MACROD2: variants seen among roughly 807,000 people sequenced by gnomAD.
The protein encoded by MACROD2 is ADP-ribose glycohydrolase MACROD2.
MACROD2 carries 36 observed loss-of-function variants against 70.4 expected under a neutral mutation model. The observed-to-expected ratio is 0.51, with a 90% CI of 0.39 to 0.68. MACROD2 has a LOEUF of 0.68. MACROD2 is among the 30% of genes least tolerant of loss of function. The pLI is 0.00. For synonymous variants in MACROD2, 172 were observed against 178.8 expected, an observed-to-expected ratio of 0.96 and a Z score of 0.30; for missense variants, 496 against 538.4, an observed-to-expected ratio of 0.92 and a Z score of 0.78.
intron 2 of MACROD2, among the ~76,000 whole-genome samples, chr20:14,064,228 T>G (rs2053727281): frequency 6.6e-6 from 1 of 152,158 alleles, no homozygotes; most frequent in Non-Finnish European, 1.5e-5. Flanking sequence ...GCCCTTCCTA[T>G]AAAGGTTTTT....
chr20:14,445,669 G>A (rs1359434437), intron 3 of MACROD2, among the ~76,000 whole-genome samples: 1 of 152,056 alleles, frequency 6.6e-6, no homozygotes, highest in Admixed American at 6.6e-5. Flanking sequence ...TGGAAAAATG[G>A]CATTTTCCTG....
chr20:15,057,375 C>CA (rs1168296964), intron 5 of MACROD2, among the ~76,000 whole-genome samples: 8 of 152,026 alleles, frequency 5.3e-5, no homozygotes, highest in Non-Finnish European at 1.0e-4. Flanking sequence ...TTCTAAAGCC[C>CA]ATCACTAGTT....
At chr20:16,019,606 G>A (rs531605496) in intron 15 of MACROD2, among the ~76,000 whole-genome samples, 19 of 152,276 alleles carry the variant, frequency 1.2e-4, no homozygotes, top group Non-Finnish European at 2.1e-4. Flanking sequence ...TCCTTCTTGT[G>A]CATCTTGTAA....
chr20:15,463,309 A>C (rs1735238882), intron 7 of MACROD2, among the ~76,000 whole-genome samples: 1 of 152,228 alleles, frequency 6.6e-6, no homozygotes, highest in African/African-American at 2.4e-5. Context: ...GATGTTTGCC[A>C]GAGGAGGAGG....
chr20:15,904,768 C>T (rs959447769), intron 10 of MACROD2, among the ~76,000 whole-genome samples: 83 of 151,700 alleles, frequency 5.5e-4, no homozygotes, highest in African/African-American at 1.9e-3. Flanking sequence ...GTAGTCCCAG[C>T]TACTCGGGAG....
intron 5 of MACROD2, among the ~76,000 whole-genome samples, chr20:14,742,446 G>T (rs2071744188): frequency 1.3e-5 from 1 of 79,616 alleles, no homozygotes; most frequent in Admixed American, 1.3e-4. Context: ...GTCTGGAAAT[G>T]CAAACAGTCA....
At chr20:14,226,312 A>G (rs2081732875) in intron 3 of MACROD2, among the ~76,000 whole-genome samples, 1 of 152,086 alleles carries the variant, frequency 6.6e-6, no homozygotes, top group Non-Finnish European at 1.5e-5. Flanking sequence ...AACTGTTTAT[A>G]AGGATTGAAT....
chr20:14,981,040 G>A (rs1032004928), intron 5 of MACROD2, among the ~76,000 whole-genome samples: 1 of 151,662 alleles, frequency 6.6e-6, no homozygotes, highest in Non-Finnish European at 1.5e-5. Context: ...GTGTGTGTGT[G>A]TGTGTGTGTG....
intron 8 of MACROD2, among the ~76,000 whole-genome samples, chr20:15,505,125 A>T (rs1440035170): frequency 6.6e-6 from 1 of 152,162 alleles, no homozygotes; most frequent in Non-Finnish European, 1.5e-5. Flanking sequence ...TCCACAGAAA[A>T]GTAGAACAGG....
At chr20:15,886,675 G>A (rs573375250) in intron 10 of MACROD2, among the ~76,000 whole-genome samples, 1 of 152,156 alleles carries the variant, frequency 6.6e-6, no homozygotes, top group South Asian at 2.1e-4. Context: ...TATGGCCTAA[G>A]GTAGCCATTC....
At chr20:14,371,879 A>G (rs2083327415) in intron 3 of MACROD2, among the ~76,000 whole-genome samples, 1 of 151,616 alleles carries the variant, frequency 6.6e-6, no homozygotes, top group South Asian at 2.1e-4. Flanking sequence ...ATTTTAGCTC[A>G]GGCATCAATT....
At chr20:14,381,943 G>A (rs1016431526) in intron 3 of MACROD2, among the ~76,000 whole-genome samples, 44 of 152,068 alleles carry the variant, frequency 2.9e-4, no homozygotes, top group African/African-American at 1.0e-3. Flanking sequence ...TGAACTAACA[G>A]GTTTTTGAAG....
intron 5 of MACROD2, among the ~76,000 whole-genome samples, chr20:15,078,314 A>G (rs2075675643): frequency 6.6e-6 from 1 of 152,148 alleles, no homozygotes; most frequent in South Asian, 2.1e-4. Flanking sequence ...CCTCCATTTC[A>G]GTTTCCAAAG....
At position 15,883,004 on chromosome 20, in the gene MACROD2, G is replaced by A. The variant is rs6135586; in HGVS notation, c.728-2760G>A. On this transcript the variant is annotated intron_variant, in intron 9 of 17. Transcript: ENST00000684519. ...ATGTTGGAATGTATTTGCATGTCTT[G>A]GTTTCTTTACTACTGACAAGATTCT... Among the ~76,000 whole-genome samples the A allele has an allele frequency of 0.017, 2,550 of 151,276 alleles. 193 individuals are homozygous for A. In the East Asian group the frequency reaches 0.24, roughly 14 times the overall value.
At chr20:15,553,615 C>T (rs1379656042) in intron 8 of MACROD2, among the ~76,000 whole-genome samples, 2 of 152,002 alleles carry the variant, frequency 1.3e-5, no homozygotes, top group Non-Finnish European at 2.9e-5. Context: ...AGTTGGGGTT[C>T]CACCATGTTG....
At chr20:14,574,991 C>T (rs1235351225) in intron 4 of MACROD2, among the ~76,000 whole-genome samples, 1 of 123,122 alleles carries the variant, frequency 8.1e-6, no homozygotes, top group African/African-American at 3.2e-5. Context: ...GCAGTCCGGC[C>T]TGGGCGACAG....
intron 7 of MACROD2, among the ~76,000 whole-genome samples, chr20:15,492,492 T>C (rs2047244302): frequency 6.6e-6 from 1 of 152,154 alleles, no homozygotes; most frequent in African/African-American, 2.4e-5. Flanking sequence ...TACTGTTTGA[T>C]TTCCTGTGAT....
chr20:15,919,597 T>C (rs1191327939), intron 10 of MACROD2, among the ~76,000 whole-genome samples: 1 of 151,986 alleles, frequency 6.6e-6, no homozygotes, highest in Non-Finnish European at 1.5e-5. Context: ...TTAGCGGGTG[T>C]GGTGGTGTGT....
rs1235742973 is a variant in MACROD2, at chr20:14,463,263, T to C, written c.272-30216T>C. On this transcript the variant is annotated intron_variant, in intron 3 of 17. Coordinates refer to ENST00000684519, the MANE Select transcript of MACROD2 (RefSeq NM_001351661.2). ...AGAGGTCCTTCACATCCCTTGTAAG[T>C]TGGATTCCTAGGTATGTTATTCTCT... 2.6e-5 allele frequency among the ~76,000 whole-genome samples: 4 copies of C among 152,056 alleles called. No individual in the cohort carries two copies. The East Asian group carries it at 7.7e-4, about 29-fold the overall frequency.
Sources: allele counts gnomAD v4.1 joint callset (sites outside exome capture counted in the v4.1 genomes callset), GRCh38; gene constraint gnomAD v4.1.1; transcripts MANE v1.5; gene names NCBI Gene and HGNC (gene_info 2026-07-23, HGNC 2026-07-21).